GFRA1: variants seen among roughly 807,000 people sequenced by gnomAD.
GFRA1 encodes the protein GDNF family receptor alpha-1.
Under a neutral mutation model 51.6 loss-of-function variants are expected in GFRA1, and 16 were observed. That is an observed-to-expected ratio of 0.31 (90% CI 0.21 to 0.47). The LOEUF is 0.47. Among genes scored for constraint, GFRA1 ranks in the 20% least tolerant of loss-of-function variants. GFRA1 has a pLI of 1.00. For synonymous variants in GFRA1, 270 were observed against 241.3 expected (o/e 1.12, Z -1.10); for missense variants, 530 against 594.3 (o/e 0.89, Z 1.13).
In GFRA1 at chr10:116,060,733, G is replaced by A. The variant is rs932437641; in HGVS notation, c.*3665C>T. On this transcript the variant is annotated 3_prime_UTR_variant, in exon 11 of 11. Coordinates refer to ENST00000355422, the MANE Select transcript of GFRA1 (RefSeq NM_005264.8). Reference sequence around the variant, plus strand: ...AATCCAGGAGGTCATCAACAGCCTCGAAAGAGAATTAGAACACGTGAATTC... The same window carrying A: ...AATCCAGGAGGTCATCAACAGCCTCAAAAGAGAATTAGAACACGTGAATTC... 3 of 152,168 alleles carry A rather than the reference G, an allele frequency of 2.0e-5. No individual in the cohort carries two copies. Among genetic ancestry groups the A allele is most frequent in the East Asian group, 3.9e-4 (2 of 5,188 alleles). 9.4% of individuals were successfully genotyped at this position (152,168 alleles called of 1,614,324 possible). A position where few individuals can be genotyped will look rare whatever the true frequency, so the allele number is the denominator to read the frequency against.
chr10:116,073,294 G>A lies in GFRA1; in HGVS notation c.1198-7668C>T, dbSNP rs543145448. ...GCATAGAGCTTCACAGGGTGCCCTG[G>A]CTGGGCTTACTTCTTCTTTTCATAC... On this transcript the variant is annotated intron_variant, in intron 9 of 10. Coordinates refer to ENST00000355422, the MANE Select transcript of GFRA1 (RefSeq NM_005264.8). 1.2e-4 allele frequency among the ~76,000 whole-genome samples: 19 copies of A among 152,272 alleles called. No homozygotes were observed. The South Asian group carries it at 3.5e-3, about 28-fold the overall frequency.
chr10:116,272,342 T>G lies in GFRA1; in HGVS notation c.-246-67A>C. On this transcript the variant is annotated intron_variant, in intron 1 of 10. Transcript: ENST00000355422. This position sits in a 1 kb window ranked among gnomAD's most constrained non-coding sequence, Gnocchi z 4.4. ...CGGAGACTCCCCCCACAGAACCCTCTCCCCTCCCCCGTTCCCGCCTTTGGG... is the reference window on the plus strand; with the variant it reads ...CGGAGACTCCCCCCACAGAACCCTCGCCCCTCCCCCGTTCCCGCCTTTGGG... 1 of 480,468 alleles carries G rather than the reference T, an allele frequency of 2.1e-6. No homozygotes were observed. The allele number at this position is 480,468 out of a possible 1,614,324, so 29.8% of individuals were successfully genotyped here.
At chr10:116,263,617 A>G (rs1356603113) in intron 4 of GFRA1, among the ~76,000 whole-genome samples, 3 of 152,178 alleles carry the variant, frequency 2.0e-5, no homozygotes, top group Non-Finnish European at 4.4e-5. Flanking sequence ...TCTATGATAC[A>G]TGGTGGCTGG....
At chr10:116,128,383 A>C (rs1357750249) in intron 5 of GFRA1, among the ~76,000 whole-genome samples, 2 of 152,142 alleles carry the variant, frequency 1.3e-5, no homozygotes, top group African/African-American at 4.8e-5. Context: ...TAGGAAATTT[A>C]TTTTTCTCTG....
At chr10:116,151,895 TGAG>T (rs1227739588) in intron 5 of GFRA1, among the ~76,000 whole-genome samples, 1 of 152,088 alleles carries the variant, frequency 6.6e-6, no homozygotes, top group Non-Finnish European at 1.5e-5. Context: ...ATATGATAAA[TGAG>T]GAGTTGACTC....
intron 5 of GFRA1, among the ~76,000 whole-genome samples, chr10:116,172,618 T>G (rs1038297192): frequency 1.3e-5 from 2 of 152,090 alleles, no homozygotes. Context: ...ACGGGATGAA[T>G]GCAGGAAGCG....
At chr10:116,084,158 G>A (rs1955984538) in intron 9 of GFRA1, among the ~76,000 whole-genome samples, 1 of 152,184 alleles carries the variant, frequency 6.6e-6, no homozygotes, top group African/African-American at 2.4e-5. Flanking sequence ...ATGGTCTGAT[G>A]GCCAGAGAAG....
At chr10:116,113,134 C>T (rs994772561) in intron 6 of GFRA1, among the ~76,000 whole-genome samples, 4 of 151,740 alleles carry the variant, frequency 2.6e-5, no homozygotes, top group Admixed American at 6.6e-5. Flanking sequence ...CACCTTCCAG[C>T]CAGATGCTAA....
intron 9 of GFRA1, among the ~76,000 whole-genome samples, chr10:116,087,105 G>T (rs1172258810): frequency 6.6e-6 from 1 of 152,230 alleles, no homozygotes; most frequent in African/African-American, 2.4e-5. Flanking sequence ...GGAAAGGAAA[G>T]ACATGGTTTC....
In GFRA1 at chr10:116,093,731, A is replaced by T. The variant is rs1408749755; in HGVS notation, c.986T>A (p.Leu329Ter). 6.2e-7 allele frequency: 1 copy of T among 1,613,878 alleles called. No individual in the cohort carries two copies. The highest frequency in any genetic ancestry group is 8.5e-7 in the Non-Finnish European group (1 of 1,179,720). The change falls in exon 8 of 11, where the codon TTG (leucine) becomes TAG (stop). Residue 329 changes from leucine (L) to a stop codon, truncating the protein, a stop_gained. Transcript: ENST00000355422. LOFTEE classifies it high-confidence loss of function. ...ACATGTATTGTCCTTGAAGAAATTC[A>T]AAAATTTCAAGCACTCTTCTAGGTC... ...GNDLEECLKFLNFFKDNTCLK... is the reference protein window; with the variant it reads ...GNDLEECLKF
At chr10:116,251,715 A>G (rs1968378729) in intron 4 of GFRA1, among the ~76,000 whole-genome samples, 1 of 152,162 alleles carries the variant, frequency 6.6e-6, no homozygotes, top group East Asian at 1.9e-4. Flanking sequence ...CCAGCATCCC[A>G]GGCTCAGTTT....
At chr10:116,092,300 A>G (rs1263930145) in intron 8 of GFRA1, among the ~76,000 whole-genome samples, 1 of 152,206 alleles carries the variant, frequency 6.6e-6, no homozygotes, top group African/African-American at 2.4e-5. Flanking sequence ...GCAATTGACT[A>G]CAGCCACATT....
chr10:116,065,278 G>A (rs143575008), intron 10 of GFRA1, among the ~76,000 whole-genome samples: 4 of 152,300 alleles, frequency 2.6e-5, no homozygotes, highest in African/African-American at 2.4e-5. Flanking sequence ...GCTATGTATC[G>A]TCTCTGTGCT....
chr10:116,152,866 G>A (rs1959116925), intron 5 of GFRA1, among the ~76,000 whole-genome samples: 1 of 152,210 alleles, frequency 6.6e-6, no homozygotes, highest in Non-Finnish European at 1.5e-5. Flanking sequence ...GATTTGCTAA[G>A]CTGATGACAT....
chr10:116,159,432 G>A (rs1267521538), intron 5 of GFRA1, among the ~76,000 whole-genome samples: 1 of 152,138 alleles, frequency 6.6e-6, no homozygotes, highest in African/African-American at 2.4e-5. Flanking sequence ...GTGGATCCTC[G>A]TGCAGGCCAC....
intron 9 of GFRA1, among the ~76,000 whole-genome samples, chr10:116,088,811 C>T (rs1036579424): frequency 3.3e-5 from 5 of 149,896 alleles, no homozygotes; most frequent in South Asian, 2.1e-4. Flanking sequence ...GTCCCAGCTA[C>T]GCGGGAGGCT....
intron 5 of GFRA1, among the ~76,000 whole-genome samples, chr10:116,200,887 C>A (rs973566070): frequency 6.6e-6 from 1 of 152,160 alleles, no homozygotes; most frequent in Non-Finnish European, 1.5e-5. Context: ...GGGGAGAAAG[C>A]GAGTTAATGT....
At chr10:116,083,196 G>A (rs538521388) in intron 9 of GFRA1, among the ~76,000 whole-genome samples, 27 of 152,338 alleles carry the variant, frequency 1.8e-4, no homozygotes, top group African/African-American at 5.5e-4. Context: ...AGGAAAGTGC[G>A]GAAGAACTGC....
chr10:116,225,121 G>A (rs936793534), intron 4 of GFRA1, among the ~76,000 whole-genome samples: 3 of 152,174 alleles, frequency 2.0e-5, no homozygotes, highest in Non-Finnish European at 4.4e-5. Context: ...CCCTTGAAAA[G>A]TGGTGAGTGG....
Sources: allele counts gnomAD v4.1 joint callset (sites outside exome capture counted in the v4.1 genomes callset), GRCh38; gene constraint gnomAD v4.1.1; non-coding constraint Gnocchi (gnomAD v3.1); transcripts MANE v1.5; gene names NCBI Gene and HGNC (gene_info 2026-07-23, HGNC 2026-07-21).